NEGR1: variants seen among roughly 807,000 people sequenced by gnomAD.
The protein encoded by NEGR1 is neuronal growth regulator 1, also known as IgLON family member 4.
Under a neutral mutation model 40.9 loss-of-function variants are expected in NEGR1, and 10 were observed. The ratio of observed to expected loss-of-function variants is 0.24; its 90% CI spans 0.15 to 0.42. NEGR1 has a LOEUF of 0.42. Ranked by LOEUF, NEGR1 falls within the 10% of genes least tolerant of loss-of-function variation. The pLI, the probability that NEGR1 is intolerant of heterozygous loss-of-function variation, is 1.00. For missense variants in NEGR1, 352 were observed against 438.9 expected, an observed-to-expected ratio of 0.80 and a Z score of 1.77; for synonymous variants, 185 against 166.8, an observed-to-expected ratio of 1.11 and a Z score of -0.84.
intron 1 of NEGR1, among the ~76,000 whole-genome samples, chr1:71,994,104 C>T (rs551847539): frequency 7.2e-5 from 11 of 152,272 alleles, no homozygotes; most frequent in African/African-American, 2.6e-4. Flanking sequence ...TGAGGCCTGC[C>T]TTTTAGATTA....
intron 6 of NEGR1, among the ~76,000 whole-genome samples, chr1:71,485,067 A>C (rs1196315522): frequency 6.6e-6 from 1 of 151,704 alleles, no homozygotes; most frequent in Admixed American, 6.6e-5. Flanking sequence ...AAAGTTACTA[A>C]ATAAATAATT....
chr1:71,574,698 A>C (rs537112739), intron 6 of NEGR1, among the ~76,000 whole-genome samples: 1 of 152,262 alleles, frequency 6.6e-6, no homozygotes, highest in Middle Eastern at 3.4e-3. Flanking sequence ...CATATCAATA[A>C]ATTTATGTTC....
At position 72,112,829 on chromosome 1, in the gene NEGR1, G is replaced by A. The variant is rs147303710; in HGVS notation, c.176+169490C>T. Among the ~76,000 whole-genome samples, 42 of 151,624 alleles carry A rather than the reference G, an allele frequency of 2.8e-4. No individual in the cohort carries two copies. The East Asian group carries it at 5.5e-3, about 20-fold the overall frequency. On this transcript the variant is annotated intron_variant, in intron 1 of 6. Coordinates refer to ENST00000357731, the MANE Select transcript of NEGR1 (RefSeq NM_173808.3). ...TAGTACAGGTTGTGCTTCTCTGGGC[G>A]CTCCCCTGACATGGGTTTTGGGGGA...
At chr1:72,257,623 G>A (rs1192611784) in intron 1 of NEGR1, among the ~76,000 whole-genome samples, 2 of 151,990 alleles carry the variant, frequency 1.3e-5, no homozygotes, top group African/African-American at 4.8e-5. Context: ...AAGTGAAGGG[G>A]CAAAAGGAGA....
At chr1:71,894,852 G>C (rs1660922433) in intron 2 of NEGR1, among the ~76,000 whole-genome samples, 1 of 152,124 alleles carries the variant, frequency 6.6e-6, no homozygotes, top group African/African-American at 2.4e-5. Flanking sequence ...AGGATATAGT[G>C]TGCTATAATC....
rs1159235769 is a variant in NEGR1, at chr1:71,405,258, T to C, written c.*2188A>G. ...ACCTACAAACCTTACAAAGAGGAGG[T>C]ATTTTAACTCTAGGAAAGCGGTCAC... is the stretch of plus-strand genomic sequence containing the variant. On this transcript the variant is annotated 3_prime_UTR_variant, in exon 7 of 7. Coordinates refer to ENST00000357731, the MANE Select transcript of NEGR1 (RefSeq NM_173808.3). The C allele has an allele frequency of 2.0e-5, 3 of 152,180 alleles. No homozygotes were observed. Among genetic ancestry groups the C allele is most frequent in the Non-Finnish European group, 4.4e-5 (3 of 67,760 alleles). 9.4% of individuals were successfully genotyped at this position (152,180 alleles called of 1,614,324 possible). A position where few individuals can be genotyped will look rare whatever the true frequency, so the allele number is the denominator to read the frequency against.
intron 3 of NEGR1, 115 bp from the exon 4 acceptor site, chr1:71,698,254 C>T (rs558526444): frequency 1.1e-6 from 1 of 889,956 alleles, no homozygotes; most frequent in Non-Finnish European, 1.7e-6. Flanking sequence ...CCAAATGAAA[C>T]TGGGGAATTA....
At position 71,399,448 on chromosome 1, in the gene NEGR1, T is replaced by G. The variant is rs912033406; in HGVS notation, c.*7998A>C. 1.3e-5 allele frequency: 2 copies of G among 152,208 alleles called. No homozygotes were observed. The highest frequency in any genetic ancestry group is 4.8e-5 in the African/African-American group (2 of 41,456). The allele number at this position is 152,208 out of a possible 1,614,324, so 9.4% of individuals were successfully genotyped here. On this transcript the variant is annotated 3_prime_UTR_variant, in exon 7 of 7. Coordinates refer to ENST00000357731, the MANE Select transcript of NEGR1 (RefSeq NM_173808.3). Reference sequence around the variant, plus strand: ...TCTCCATGTCAGTATTTACAGCAGGTGCCATCTTCTGATTAATTAAATCAC... The same window carrying G: ...TCTCCATGTCAGTATTTACAGCAGGGGCCATCTTCTGATTAATTAAATCAC...
chr1:72,281,194 A>AAGGT (rs1456124934), intron 1 of NEGR1, among the ~76,000 whole-genome samples: 2 of 152,134 alleles, frequency 1.3e-5, no homozygotes, highest in Non-Finnish European at 2.9e-5. Flanking sequence ...TGGAGGGAGG[A>AAGGT]AGGTAGGAAT....
At chr1:72,246,340 C>T (rs896764296) in intron 1 of NEGR1, among the ~76,000 whole-genome samples, 2 of 152,114 alleles carry the variant, frequency 1.3e-5, no homozygotes, top group Non-Finnish European at 2.9e-5. Flanking sequence ...GTCTAGTTTT[C>T]AATCCTTACC....
Position 72,058,676 on chromosome 1 carries a change from T to C in NEGR1, c.177-123365A>G, listed in dbSNP as rs78217256. Among the ~76,000 whole-genome samples the C allele has an allele frequency of 6.3e-3, 953 of 151,770 alleles. 10 individuals are homozygous for C. Among genetic ancestry groups the C allele is most frequent in the Middle Eastern group, 0.058 (17 of 294 alleles). On this transcript the variant is annotated intron_variant, in intron 1 of 6. Coordinates refer to ENST00000357731, the MANE Select transcript of NEGR1 (RefSeq NM_173808.3). The stretch of plus-strand genomic sequence containing the variant: ...TTGTGTTATTAGGTAGGCAAATGTT[T>C]CATTTATGCAAGGTAAGCTTTACAC...
intron 6 of NEGR1, among the ~76,000 whole-genome samples, chr1:71,451,537 C>T (rs865938146): frequency 2.6e-5 from 4 of 151,820 alleles, no homozygotes; most frequent in Non-Finnish European, 4.4e-5. Context: ...GGTTTCACCA[C>T]GTTGGCCAGG....
At chr1:72,032,923 T>C (rs1646871774) in intron 1 of NEGR1, among the ~76,000 whole-genome samples, 1 of 152,136 alleles carries the variant, frequency 6.6e-6, no homozygotes, top group Non-Finnish European at 1.5e-5. Context: ...AAGGATTCAC[T>C]CTTTCAAAGT....
At chr1:71,946,551 A>G (rs906188951) in intron 1 of NEGR1, among the ~76,000 whole-genome samples, 1 of 152,138 alleles carries the variant, frequency 6.6e-6, no homozygotes, top group Non-Finnish European at 1.5e-5. Flanking sequence ...AAGATGAACA[A>G]ACTCTACTTT....
At chr1:71,614,442 T>G (rs1650376606) in intron 4 of NEGR1, among the ~76,000 whole-genome samples, 1 of 152,154 alleles carries the variant, frequency 6.6e-6, no homozygotes, top group Non-Finnish European at 1.5e-5. Flanking sequence ...AAAAGCCAAT[T>G]AAATATATTA....
rs1446009456 is a variant in NEGR1 at position 72,110,226 on chromosome 1, A to AAAAT, written c.176+172092_176+172093insATTT. ...CCCTAAAACTTAGAGTATAATAAAA[A>AAAAT]AAAAAAAAAAAAAAAAGAATTGTGT... On this transcript the variant is annotated intron_variant, in intron 1 of 6. Transcript: ENST00000357731. Among the ~76,000 whole-genome samples, 420 of 146,760 alleles carry AAAAT rather than the reference A, an allele frequency of 2.9e-3. 3 individuals are homozygous for AAAAT. Among genetic ancestry groups the AAAAT allele is most frequent in the African/African-American group, 0.011 (402 of 37,658 alleles).
intron 6 of NEGR1, among the ~76,000 whole-genome samples, chr1:71,550,963 G>T (rs976492705): frequency 5.9e-5 from 9 of 151,360 alleles, no homozygotes; most frequent in African/African-American, 1.9e-4. Context: ...CTACATCATG[G>T]GCATTATGTT....
intron 1 of NEGR1, among the ~76,000 whole-genome samples, chr1:71,951,607 C>A (rs989393222): frequency 2.6e-5 from 4 of 151,882 alleles, no homozygotes; most frequent in East Asian, 3.8e-4. Flanking sequence ...AAAATAGCTT[C>A]TTTTAATAAA....
chr1:71,912,146 G>A (rs78345066), intron 2 of NEGR1, among the ~76,000 whole-genome samples: 9 of 152,102 alleles, frequency 5.9e-5, no homozygotes, highest in Non-Finnish European at 7.4e-5. Context: ...AAGTCCAATA[G>A]TAGTCCTACA....
Sources: gnomAD v4.1 joint callset for allele counts (sites outside exome capture counted in the v4.1 genomes callset) on GRCh38, gnomAD v4.1.1 for gene constraint, MANE v1.5 for transcripts, NCBI Gene and HGNC (gene_info 2026-07-23, HGNC 2026-07-21) for gene names.